FHAD1: variants seen among roughly 807,000 people sequenced by gnomAD.
FHAD1 encodes forkhead-associated domain-containing protein 1.
In FHAD1, 146 loss-of-function variants were observed where a neutral mutation model predicts 191.3. The observed-to-expected ratio is 0.76, with a 90% CI of 0.67 to 0.88. The LOEUF is 0.88. FHAD1 is among the 40% of genes least tolerant of loss of function. FHAD1 has a pLI of 0.00. For synonymous variants in FHAD1, 616 were observed against 672.3 expected (o/e 0.92, Z 1.29); for missense variants, 1,635 against 1,785.8 (o/e 0.92, Z 1.52).
intron 21 of FHAD1, 113 bp from the exon 22 acceptor site, chr1:15,360,365 A>T: frequency 1.2e-6 from 1 of 840,534 alleles, no homozygotes; most frequent in Non-Finnish European, 1.9e-6. Context: ...TGCATGTGCT[A>T]AGGCCCTGGG....
At chr1:15,394,200 A>G (rs1705166555) in intron 33 of FHAD1, among the ~76,000 whole-genome samples, 1 of 152,120 alleles carries the variant, frequency 6.6e-6, no homozygotes, top group African/African-American at 2.4e-5. Context: ...GTCATTTCAT[A>G]AAGAGAACAA....
intron 27 of FHAD1, 130 bp downstream of exon 27, chr1:15,374,761 A>G (rs985827605): frequency 8.4e-7 from 1 of 1,190,494 alleles, no homozygotes; most frequent in Admixed American, 2.7e-5. Context: ...TGTAATACAC[A>G]AAAAGATGGG....
chr1:15,342,312 C>G (rs1232001732), intron 16 of FHAD1, among the ~76,000 whole-genome samples: 3 of 152,180 alleles, frequency 2.0e-5, no homozygotes, highest in Admixed American at 1.3e-4. Context: ...ACTGACTTTT[C>G]TAGAAATCAA....
At chr1:15,321,821 ATG>A (rs1487412815) in intron 10 of FHAD1, among the ~76,000 whole-genome samples, 1 of 152,214 alleles carries the variant, frequency 6.6e-6, no homozygotes, top group Non-Finnish European at 1.5e-5. Context: ...ATGTGTGTGC[ATG>A]TGTGTGTATG....
Position 15,316,073 on chromosome 1 carries a change from G to A in FHAD1, c.1171-305G>A, listed in dbSNP as rs150428735. On this transcript the variant is annotated intron_variant, in intron 8 of 33. Transcript: ENST00000688493. The surrounding 1 kb of genome is among the most constrained non-coding windows in gnomAD (Gnocchi z 4.3). ...CGCTAGTGGCCCTCCAAGGACATCC[G>A]TGTTTATTCCTCAGCACAGACTCTC... is the stretch of plus-strand genomic sequence containing the variant. 1.4e-4 allele frequency among the ~76,000 whole-genome samples: 21 copies of A among 152,362 alleles called. No individual in the cohort carries two copies. The highest frequency in any genetic ancestry group is 7.7e-4 in the East Asian group (4 of 5,190).
intron 33 of FHAD1, among the ~76,000 whole-genome samples, chr1:15,393,464 G>C (rs1461651705): frequency 2.1e-5 from 3 of 146,098 alleles, no homozygotes; most frequent in Non-Finnish European, 4.5e-5. Flanking sequence ...ACTGCTATCT[G>C]TAAAAGGGTG....
chr1:15,278,635 A>G (rs960250090), intron 3 of FHAD1, among the ~76,000 whole-genome samples: 2 of 151,918 alleles, frequency 1.3e-5, no homozygotes, highest in African/African-American at 4.8e-5. Flanking sequence ...CACCATGCCC[A>G]GCTAATTTTT....
chr1:15,394,865 C>T (rs1705388282), intron 33 of FHAD1, among the ~76,000 whole-genome samples: 1 of 152,152 alleles, frequency 6.6e-6, no homozygotes, highest in Non-Finnish European at 1.5e-5. Flanking sequence ...CAAGGTAAAT[C>T]CTGTTGGAAA....
At chr1:15,278,281 C>T (rs1179224858) in intron 3 of FHAD1, among the ~76,000 whole-genome samples, 1 of 152,160 alleles carries the variant, frequency 6.6e-6, no homozygotes, top group Non-Finnish European at 1.5e-5. Flanking sequence ...CCACTCATAA[C>T]ACTATGCTAT....
intron 2 of FHAD1, among the ~76,000 whole-genome samples, chr1:15,256,189 C>T (rs1473542773): frequency 6.6e-6 from 1 of 152,214 alleles, no homozygotes; most frequent in Non-Finnish European, 1.5e-5. Context: ...TTAATTCTTC[C>T]AGAACGCAGC....
chr1:15,387,223 A>G (rs1702353027), intron 31 of FHAD1, among the ~76,000 whole-genome samples: 1 of 152,122 alleles, frequency 6.6e-6, no homozygotes, highest in African/African-American at 2.4e-5. Context: ...TCATCATATC[A>G]GTAGTATTTT....
chr1:15,392,835 A>G (rs1704552944), intron 33 of FHAD1, among the ~76,000 whole-genome samples: 1 of 152,028 alleles, frequency 6.6e-6, no homozygotes, highest in Non-Finnish European at 1.5e-5. Context: ...TTCGTGGGCT[A>G]TATGCTATAA....
Position 15,296,745 on chromosome 1 carries a change from T to A in FHAD1, c.630T>A (p.Val210=), listed in dbSNP as rs1667119586. 1.3e-6 allele frequency: 2 copies of A among 1,551,596 alleles called. No homozygotes were observed. Among genetic ancestry groups the A allele is most frequent in the Non-Finnish European group, 1.7e-6 (2 of 1,147,026 alleles). The change falls in exon 5 of 34, where the codon GTT becomes GTA. Residue 210 remains valine (V), a synonymous_variant. Coordinates refer to ENST00000688493, the MANE Select transcript of FHAD1 (RefSeq NM_001391957.1). Reference sequence around the variant, plus strand: ...TGGCCGAGGGGATTCCTGGGGCAGTTCCCCCTGCGGAGATTTATGTGGAGG... The same window carrying A: ...TGGCCGAGGGGATTCCTGGGGCAGTACCCCCTGCGGAGATTTATGTGGAGG... ...KSVAEGIPGA[V]PPAEIYVEED...
At chr1:15,339,335 C>T (rs1032338344) in intron 14 of FHAD1, 146 bp from the exon 15 acceptor site, 6 of 367,100 alleles carry the variant, frequency 1.6e-5, no homozygotes, top group Non-Finnish European at 3.2e-5. Context: ...CCACCGTGCC[C>T]GGCTGCTTAT....
chr1:15,248,784 C>T (rs1049980107), intron 1 of FHAD1, among the ~76,000 whole-genome samples: 6 of 152,120 alleles, frequency 3.9e-5, no homozygotes, highest in Admixed American at 6.5e-5. Flanking sequence ...GACAGGGTTT[C>T]GCCATGTTGG....
At chr1:15,258,583 TC>T (rs201328101) in intron 2 of FHAD1, among the ~76,000 whole-genome samples, 21,872 of 137,346 alleles carry the variant, frequency 0.16, 1,858 homozygotes, top group Middle Eastern at 0.24. Context: ...TCTCTGTCTC[TC>T]TTTTTTTTTT....
intron 10 of FHAD1, among the ~76,000 whole-genome samples, chr1:15,319,929 A>G (rs776604404): frequency 6.6e-6 from 1 of 152,238 alleles, no homozygotes; most frequent in Non-Finnish European, 1.5e-5. Context: ...TGAACTTGCT[A>G]TGGTATATTT....
Position 15,327,807 on chromosome 1 carries a change from G to C in FHAD1, c.1558-470G>C, listed in dbSNP as rs899353835. On this transcript the variant is annotated intron_variant, in intron 12 of 33. Transcript: ENST00000688493. This position sits in a 1 kb window ranked among gnomAD's most constrained non-coding sequence, Gnocchi z 5.1. Reference sequence around the variant, plus strand: ...CCAGCACTTTGAGAGGCCGAGGCGGGTGGATCACCTCAGGTCGGGAGTTCG... The same window carrying C: ...CCAGCACTTTGAGAGGCCGAGGCGGCTGGATCACCTCAGGTCGGGAGTTCG... The C allele has an allele frequency of 2.0e-5, 3 of 152,354 alleles. No individual in the cohort carries two copies. Among genetic ancestry groups the C allele is most frequent in the Admixed American group, 2.0e-4 (3 of 15,298 alleles). The allele number at this position is 152,354 out of a possible 1,614,324, so 9.4% of individuals were successfully genotyped here. A position where few individuals can be genotyped will look rare whatever the true frequency, so the allele number is the denominator to read the frequency against.
At chr1:15,402,970 G>A (rs1049694786), downstream of FHAD1, 2 of 152,202 alleles carry the variant, frequency 1.3e-5, 1 homozygote, top group African/African-American at 4.8e-5. Context: ...GTAAATGAAT[G>A]AGCATGGCCA....
Sources: allele counts gnomAD v4.1 joint callset (sites outside exome capture counted in the v4.1 genomes callset), GRCh38; gene constraint gnomAD v4.1.1; non-coding constraint Gnocchi (gnomAD v3.1); transcripts MANE v1.5; gene names NCBI Gene and HGNC (gene_info 2026-07-23, HGNC 2026-07-21).